The following NADK variants were observed in gnomAD, a reference collection of about 807,000 sequenced individuals.
NADK encodes the protein NAD kinase.
NADK carries 22 observed loss-of-function variants against 49.8 expected under a neutral mutation model. The ratio of observed to expected loss-of-function variants is 0.44; its 90% CI spans 0.32 to 0.63. NADK has a LOEUF of 0.63. Among genes scored for constraint, NADK ranks in the 30% least tolerant of loss-of-function variants. The pLI, the probability that NADK is intolerant of heterozygous loss-of-function variation, is 0.06. For synonymous variants in NADK, 268 were observed against 253.7 expected (o/e 1.06, Z -0.54); for missense variants, 438 against 609.4 (o/e 0.72, Z 2.96).
intron 4 of NADK, 134 bp downstream of exon 4, chr1:1,757,047 G>T: frequency 7.4e-7 from 1 of 1,345,796 alleles, no homozygotes; most frequent in Non-Finnish European, 1.0e-6. Flanking sequence ...TCCCCACTCA[G>T]TCCCCAGTTC....
intron 1 of NADK, among the ~76,000 whole-genome samples, chr1:1,772,798 C>T (rs748925917): frequency 6.6e-5 from 10 of 150,928 alleles, no homozygotes; most frequent in South Asian, 2.1e-4. Flanking sequence ...CCAGCACTTT[C>T]GGAGGCCAAG....
intron 1 of NADK, among the ~76,000 whole-genome samples, chr1:1,771,590 T>G (rs1386996525): frequency 6.6e-6 from 1 of 152,110 alleles, no homozygotes; most frequent in East Asian, 1.9e-4. Flanking sequence ...CTCACACACA[T>G]GCAGTCCATG....
intron 3 of NADK, chr1:1,758,326 C>A: frequency 1.3e-6 from 2 of 1,582,200 alleles, no homozygotes; most frequent in Non-Finnish European, 1.7e-6. Context: ...CAGACCTTAG[C>A]CCATCGCTTG....
intron 1 of NADK, among the ~76,000 whole-genome samples, chr1:1,767,760 T>TG (rs1308407453): frequency 6.6e-6 from 1 of 152,190 alleles, no homozygotes. Context: ...GTGATCCTCC[T>TG]GCCTTGGCTT....
In NADK at chr1:1,753,974, G is replaced by A. The variant is rs755967540; in HGVS notation, c.1101+77C>T. On this transcript the variant is annotated intron_variant, in intron 10 of 11. Transcript: ENST00000341426. ...AGGCTGGAGCCAGCATGGCAGAGCG[G>A]GGTGCTAGGTCCCGGCTTTGTGTTG... 1.1e-5 allele frequency: 16 copies of A among 1,489,250 alleles called. No individual in the cohort carries two copies. The Admixed American group carries it at 1.1e-4, about 10-fold the overall frequency. 92.3% of individuals were successfully genotyped at this position (1,489,250 alleles called of 1,614,324 possible). A position where few individuals can be genotyped will look rare whatever the true frequency, so the allele number is the denominator to read the frequency against.
At position 1,757,277 on chromosome 1, in the gene NADK, C is replaced by T. The variant is rs776975906; in HGVS notation, c.297G>A (p.Thr99=). The T allele has an allele frequency of 5.4e-5, 87 of 1,613,726 alleles. No individual in the cohort carries two copies. The highest frequency in any genetic ancestry group is 4.9e-4 in the East Asian group (22 of 44,876). The change falls in exon 4 of 12, where the codon ACG becomes ACA. Residue 99 remains threonine, a synonymous_variant. Coordinates refer to ENST00000341426, the MANE Select transcript of NADK (RefSeq NM_023018.5). The stretch of plus-strand genomic sequence containing the variant: ...GGACGCTCTTTGGGGACTTGTTCCA[C>T]GTCAGCCGCTGGCTCGCGGGGTCCT... The part of the protein sequence containing the change: ...HIQDPASQRL[T]WNKSPKSVLV...
chr1:1,771,803 T>A (rs1281888304), intron 1 of NADK, among the ~76,000 whole-genome samples: 1 of 114,316 alleles, frequency 8.7e-6, no homozygotes, highest in Admixed American at 1.3e-4. Context: ...GCACTGGAAA[T>A]TTTTTTTTTT....
At chr1:1,772,538 C>T (rs1476337440) in intron 1 of NADK, among the ~76,000 whole-genome samples, 5 of 151,804 alleles carry the variant, frequency 3.3e-5, no homozygotes, top group Admixed American at 6.6e-5. Context: ...TTTGGGAGGC[C>T]GAGGCGGGAG....
intron 1 of NADK, among the ~76,000 whole-genome samples, chr1:1,766,076 T>C (rs1645876272): frequency 6.6e-6 from 1 of 151,880 alleles, no homozygotes; most frequent in Non-Finnish European, 1.5e-5. Flanking sequence ...AAGACCACTC[T>C]GGGCAACAAA....
At chr1:1,758,366 C>T (rs937615700) in intron 3 of NADK, 1 of 1,608,864 alleles carries the variant, frequency 6.2e-7, no homozygotes, top group Non-Finnish European at 8.5e-7. Context: ...AGCACTCACC[C>T]TGTGCAGGCA....
chr1:1,754,200 C>T lies in NADK; in HGVS notation c.952G>A (p.Val318Met), dbSNP rs780824098. 14 of 1,612,772 alleles carry T rather than the reference C, an allele frequency of 8.7e-6. 1 individual carries two copies. Among genetic ancestry groups the T allele is most frequent in the Middle Eastern group, 1.7e-4 (1 of 6,060 alleles). The change falls in exon 10 of 12, where the codon GTG (valine) becomes ATG (methionine). Residue 318 changes from valine (V) to methionine (M), a missense_variant. Physicochemically the swap from Val to Met is conservative, Grantham distance 21. Transcript: ENST00000341426. This position sits in a 1 kb window ranked among gnomAD's most constrained non-coding sequence, Gnocchi z 4.3. ...GCCGTGCTGCCCGTCGGGGTGGACA[C>T]GATCACTCCTGACAGGGACAGGCGC... ...ITTVQGDGVI[V>M]STPTGSTAYA...
At chr1:1,759,359 G>A (rs905768014) in intron 3 of NADK, 51 of 1,358,710 alleles carry the variant, frequency 3.8e-5, no homozygotes, top group Non-Finnish European at 4.3e-5. Context: ...TGCACGGAGA[G>A]GGCAGGGGGT....
chr1:1,762,132 T>C (rs189064763), intron 2 of NADK, 97 bp from the exon 3 acceptor site: 4 of 1,052,682 alleles, frequency 3.8e-6, no homozygotes, highest in South Asian at 1.3e-5. Context: ...AAGGCATACA[T>C]GCAATTTGAA....
intron 1 of NADK, among the ~76,000 whole-genome samples, chr1:1,770,774 T>C (rs1237182667): frequency 1.3e-5 from 2 of 151,782 alleles, no homozygotes; most frequent in African/African-American, 4.8e-5. Flanking sequence ...TACAGCTGGG[T>C]GTGGTGGCTC....
upstream of NADK, chr1:1,779,161 G>GGC (rs1244144379): frequency 6.6e-6 from 1 of 152,410 alleles, no homozygotes; most frequent in East Asian, 1.9e-4. Flanking sequence ...TCCCAAGGCT[G>GGC]GCAGTGGAGG....
intron 6 of NADK, among the ~76,000 whole-genome samples, chr1:1,755,724 C>T (rs184905057): frequency 8.7e-4 from 133 of 152,224 alleles, no homozygotes; most frequent in African/African-American, 3.1e-3. Context: ...GCCCCCTGGG[C>T]ACGGAGGGCT....
At chr1:1,771,075 T>TAC (rs1193841983) in intron 1 of NADK, among the ~76,000 whole-genome samples, 6,487 of 142,458 alleles carry the variant, frequency 0.046, 159 homozygotes, top group African/African-American at 0.065. Flanking sequence ...TATATATATA[T>TAC]ACACACACAC....
At chr1:1,760,982 A>G (rs1469380326) in intron 3 of NADK, among the ~76,000 whole-genome samples, 1 of 152,108 alleles carries the variant, frequency 6.6e-6, no homozygotes. Flanking sequence ...GGTGTGTGCA[A>G]CGATGCCTGC....
At chr1:1,753,670 G>GGT in intron 10 of NADK, 21 bp from the exon 11 acceptor site, 1 of 1,586,774 alleles carries the variant, frequency 6.3e-7, no homozygotes, top group Non-Finnish European at 8.6e-7. Context: ...AGCAGGGAGA[G>GGT]GTGTGGGCCC....
Sources: allele counts gnomAD v4.1 joint callset (sites outside exome capture counted in the v4.1 genomes callset), GRCh38; gene constraint gnomAD v4.1.1; non-coding constraint Gnocchi (gnomAD v3.1); transcripts MANE v1.5; gene names NCBI Gene and HGNC (gene_info 2026-07-23, HGNC 2026-07-21).